ATP8B4: variants seen among roughly 807,000 people sequenced by gnomAD.
ATP8B4 encodes the protein ATPase phospholipid transporting 8B4 (putative).
In ATP8B4, 133 loss-of-function variants were observed where a neutral mutation model predicts 145.6. The ratio of observed to expected loss-of-function variants is 0.91; its 90% confidence interval spans 0.79 to 1.05. ATP8B4 has a LOEUF of 1.05. Ranked by LOEUF, ATP8B4 falls within the 50% of genes least tolerant of loss-of-function variation. The pLI, the probability that ATP8B4 is intolerant of heterozygous loss-of-function variation, is 0.00. For synonymous variants in ATP8B4, 507 were observed against 492.9 expected, an observed-to-expected ratio of 1.03 and a Z score of -0.38; for missense variants, 1,458 against 1,425.2, an observed-to-expected ratio of 1.02 and a Z score of -0.37.
intron 6 of ATP8B4, among the ~76,000 whole-genome samples, chr15:50,025,209 C>G (rs2049914569): frequency 6.6e-6 from 1 of 152,210 alleles, no homozygotes; most frequent in Admixed American, 6.5e-5. Flanking sequence ...TAGCCTCTCC[C>G]CATATCTATC....
chr15:50,117,602 C>A (rs945088174), intron 1 of ATP8B4, among the ~76,000 whole-genome samples: 3 of 151,964 alleles, frequency 2.0e-5, no homozygotes, highest in African/African-American at 7.3e-5. Flanking sequence ...TGTGGTTTCT[C>A]AAAAAAAGTG....
chr15:50,032,923 G>A (rs374945960), intron 6 of ATP8B4, among the ~76,000 whole-genome samples: 17 of 152,160 alleles, frequency 1.1e-4, no homozygotes, highest in African/African-American at 3.6e-4. Flanking sequence ...TTCTCTTAAT[G>A]AATATATGCT....
At chr15:49,963,960 T>C (rs1892414482) in intron 13 of ATP8B4, among the ~76,000 whole-genome samples, 1 of 152,182 alleles carries the variant, frequency 6.6e-6, no homozygotes, top group African/African-American at 2.4e-5. Flanking sequence ...AAATTATCAC[T>C]GATCCTTATA....
chr15:50,021,118 TGATAGATAGATAGATAGATAGATAGATA>T (rs113258750), intron 6 of ATP8B4, among the ~76,000 whole-genome samples: 22 of 146,748 alleles, frequency 1.5e-4, no homozygotes, highest in African/African-American at 4.5e-4. Context: ...ATGGTGATTA[TGATAGATAGATAGATAGATAGATAGATA>T]GATAGATAGA....
intron 26 of ATP8B4, among the ~76,000 whole-genome samples, chr15:49,864,175 A>G (rs2032372112): frequency 6.6e-6 from 1 of 152,256 alleles, no homozygotes; most frequent in African/African-American, 2.4e-5. Context: ...ATTAAGTAAG[A>G]GTGGTGCAAC....
At chr15:49,979,886 G>T (rs893906985) in intron 11 of ATP8B4, 73 bp from the exon 12 acceptor site, 3 of 1,080,120 alleles carry the variant, frequency 2.8e-6, no homozygotes, top group Admixed American at 2.4e-5. Context: ...ATCTAATTAC[G>T]CATCTAACTC....
rs1397027356 is a variant in ATP8B4, at chr15:50,082,033, G to GT, written c.29-7849dup. ...CATTTGGGGTTTAGGGTGATTGTGG[G>GT]TTTTTTGGGGTTGGGTCAGAAATCT... is the stretch of plus-strand genomic sequence containing the variant. On this transcript the variant is annotated intron_variant, in intron 2 of 27. Coordinates refer to ENST00000284509, the MANE Select transcript of ATP8B4 (RefSeq NM_024837.4). Among the ~76,000 whole-genome samples, 47 of 152,296 alleles carry GT rather than the reference G, an allele frequency of 3.1e-4. No homozygotes were observed. In the East Asian group the frequency reaches 8.7e-3, roughly 28 times the overall value.
At chr15:50,073,457 T>C (rs2053982336) in intron 3 of ATP8B4, among the ~76,000 whole-genome samples, 1 of 152,210 alleles carries the variant, frequency 6.6e-6, no homozygotes, top group African/African-American at 2.4e-5. Context: ...GGTGTATATG[T>C]GCCACATTTT....
chr15:49,888,867 C>T (rs1182367213), intron 23 of ATP8B4, among the ~76,000 whole-genome samples: 2 of 152,002 alleles, frequency 1.3e-5, no homozygotes, highest in East Asian at 1.9e-4. Flanking sequence ...TGAGTTGGAG[C>T]GTTTGCCAGC....
At chr15:49,936,439 G>A (rs1056072241) in intron 14 of ATP8B4, among the ~76,000 whole-genome samples, 4 of 152,034 alleles carry the variant, frequency 2.6e-5, no homozygotes, top group Non-Finnish European at 4.4e-5. Flanking sequence ...ACACAATATC[G>A]AATTTTAGGT....
At chr15:50,160,961 A>G (rs2044509330) in intron 1 of ATP8B4, among the ~76,000 whole-genome samples, 1 of 152,122 alleles carries the variant, frequency 6.6e-6, no homozygotes, top group East Asian at 1.9e-4. Context: ...CAATGCTGAA[A>G]ACATGGTGTT....
intron 3 of ATP8B4, among the ~76,000 whole-genome samples, chr15:50,053,710 C>T (rs2052363581): frequency 6.6e-6 from 1 of 151,804 alleles, no homozygotes; most frequent in African/African-American, 2.4e-5. Flanking sequence ...GCATTTACTA[C>T]TTGGTGGGGG....
intron 1 of ATP8B4, among the ~76,000 whole-genome samples, chr15:50,167,587 T>C (rs1336613517): frequency 1.3e-5 from 2 of 152,118 alleles, no homozygotes; most frequent in African/African-American, 4.8e-5. Flanking sequence ...TTTCAAATAA[T>C]GTCACATTCA....
intron 1 of ATP8B4, among the ~76,000 whole-genome samples, chr15:50,145,540 T>A (rs993449215): frequency 1.3e-5 from 2 of 152,176 alleles, no homozygotes; most frequent in African/African-American, 4.8e-5. Flanking sequence ...CGTCACCCTA[T>A]CCCAGAACAC....
intron 1 of ATP8B4, among the ~76,000 whole-genome samples, chr15:50,115,890 G>T (rs2153675016): frequency 6.6e-6 from 1 of 152,324 alleles, no homozygotes; most frequent in East Asian, 1.9e-4. Flanking sequence ...TGCTCCTGCA[G>T]GTTGCGGGGA....
At chr15:50,010,745 C>T in intron 7 of ATP8B4, 100 bp downstream of exon 7, 1 of 688,482 alleles carries the variant, frequency 1.5e-6, no homozygotes, top group Non-Finnish European at 2.3e-6. Flanking sequence ...GATAATTATT[C>T]TGGATTAGTA....
chr15:50,043,954 C>T (rs374756218), intron 5 of ATP8B4, among the ~76,000 whole-genome samples: 14 of 134,004 alleles, frequency 1.0e-4, no homozygotes, highest in East Asian at 2.1e-4. Context: ...AGCGAGACTC[C>T]GTTTCAAAAA....
At chr15:50,097,298 C>A (rs1304077915) in intron 2 of ATP8B4, among the ~76,000 whole-genome samples, 1 of 151,964 alleles carries the variant, frequency 6.6e-6, no homozygotes, top group Non-Finnish European at 1.5e-5. Flanking sequence ...AAGCACATTA[C>A]CTGTTAAATA....
At chr15:49,978,080 T>C (rs1228432959) in intron 12 of ATP8B4, among the ~76,000 whole-genome samples, 3 of 152,034 alleles carry the variant, frequency 2.0e-5, no homozygotes, top group African/African-American at 4.8e-5. Context: ...AAAAAATCAA[T>C]CTTTCAAATC....
Sources: allele counts gnomAD v4.1 joint callset (sites outside exome capture counted in the v4.1 genomes callset), GRCh38; gene constraint gnomAD v4.1.1; transcripts MANE v1.5; gene names NCBI Gene and HGNC (gene_info 2026-07-23, HGNC 2026-07-21).